Variants in BLTP2 observed in about 807,000 individuals in gnomAD.
BLTP2 encodes the protein U937-associated antigen.
chr17:28,639,403 G>A, the BLTP2 span: 9 of 1,613,558 alleles, frequency 5.6e-6, no homozygotes, highest in East Asian at 2.2e-5. Flanking sequence ...TCCTGGTGCC[G>A]GTAGTGAATG....
chr17:28,620,716 C>T, the BLTP2 span: 1 of 1,458,968 alleles, frequency 6.9e-7, no homozygotes, highest in Admixed American at 1.8e-5. Context: ...TGGAACCACC[C>T]CACTAGTCAA....
chr17:28,629,963 G>C, the BLTP2 span, among the ~76,000 whole-genome samples: 1 of 152,164 alleles, frequency 6.6e-6, no homozygotes, highest in African/African-American at 2.4e-5. Context: ...TTGGGCTCAA[G>C]CCATCCTCCT....
At chr17:28,619,310 T>G in the BLTP2 span, among the ~76,000 whole-genome samples, 1 of 152,080 alleles carries the variant, frequency 6.6e-6, no homozygotes, top group East Asian at 1.9e-4. Flanking sequence ...TCAGTTCAGA[T>G]GCATAGTATC....
At chr17:28,635,283 T>C in the BLTP2 span, 13 of 1,614,056 alleles carry the variant, frequency 8.1e-6, no homozygotes, top group African/African-American at 1.6e-4. Context: ...CTGGACAGTA[T>C]GCCTGCAGGG....
At chr17:28,643,127 A>C in the BLTP2 span, 2 of 1,612,794 alleles carry the variant, frequency 1.2e-6, no homozygotes, top group Non-Finnish European at 1.7e-6. Context: ...CAACCATGCC[A>C]AAGTACAGTC....
chr17:28,639,946 C>T, the BLTP2 span: 11 of 1,613,932 alleles, frequency 6.8e-6, no homozygotes, highest in African/African-American at 6.7e-5. Flanking sequence ...TCAGAGTTTG[C>T]TGTGAAGCTT....
the BLTP2 span, chr17:28,640,137 G>C: frequency 2.5e-6 from 3 of 1,213,360 alleles, no homozygotes; most frequent in Admixed American, 4.4e-5. Context: ...GCTCACTCTT[G>C]TAATCCCAGC....
At chr17:28,635,484 T>C in the BLTP2 span, 2 of 1,614,174 alleles carry the variant, frequency 1.2e-6, no homozygotes, top group South Asian at 1.1e-5. Flanking sequence ...CAAGGGATGG[T>C]ACAGTCTCAG....
At chr17:28,623,033 C>T in the BLTP2 span, among the ~76,000 whole-genome samples, 2 of 152,290 alleles carry the variant, frequency 1.3e-5, no homozygotes, top group South Asian at 2.1e-4. Flanking sequence ...TGAGTTCGCG[C>T]CATTGCACTC....
At chr17:28,616,477 C>G in the BLTP2 span, 2 of 1,614,190 alleles carry the variant, frequency 1.2e-6, no homozygotes, top group South Asian at 2.2e-5. The surrounding 1 kb of genome is among the most constrained non-coding windows in gnomAD (Gnocchi z 4.8). Flanking sequence ...TCATCTGTTG[C>G]AATCAGCTGC....
chr17:28,629,269 C>G, the BLTP2 span, among the ~76,000 whole-genome samples: 2 of 150,832 alleles, frequency 1.3e-5, no homozygotes, highest in Non-Finnish European at 2.9e-5. Flanking sequence ...GAATCTGGTT[C>G]TGTCTCCCAG....
the BLTP2 span, among the ~76,000 whole-genome samples, chr17:28,626,080 T>C: frequency 6.6e-6 from 1 of 152,140 alleles, no homozygotes; most frequent in Non-Finnish European, 1.5e-5. Flanking sequence ...TCAATGCTTC[T>C]TACTGAGACA....
chr17:28,618,611 T>G, the BLTP2 span: 1 of 519,978 alleles, frequency 1.9e-6, no homozygotes, highest in African/African-American at 1.9e-5. Flanking sequence ...TATAAACAGA[T>G]ATATCTAAGG....
At chr17:28,635,622 G>A in the BLTP2 span, 7,855 of 1,596,216 alleles carry the variant, frequency 4.9e-3, 360 homozygotes, top group Admixed American at 0.092. Context: ...TTAGGGAGCA[G>A]AAGAAAAGGA....
chr17:28,616,661 A>T, the BLTP2 span: 1 of 1,614,180 alleles, frequency 6.2e-7, no homozygotes, highest in Non-Finnish European at 8.5e-7. This position sits in a 1 kb window ranked among gnomAD's most constrained non-coding sequence, Gnocchi z 4.8. Context: ...CACCAACTTC[A>T]TCATCTTCCA....
the BLTP2 span, chr17:28,639,861 C>T: frequency 1.2e-6 from 2 of 1,611,380 alleles, no homozygotes; most frequent in Non-Finnish European, 1.7e-6. Flanking sequence ...GTATCTAGTC[C>T]TCCCATTCTC....
the BLTP2 span, among the ~76,000 whole-genome samples, chr17:28,625,775 C>G: frequency 3.3e-5 from 5 of 151,854 alleles, no homozygotes; most frequent in Non-Finnish European, 7.4e-5. Context: ...GCTTTTTTTT[C>G]TTCCCTTGAG....
chr17:28,631,963 G>C, the BLTP2 span: 7 of 1,609,304 alleles, frequency 4.3e-6, no homozygotes, highest in East Asian at 1.1e-4. Flanking sequence ...TGGCATGAGA[G>C]GGATGATTAA....
At chr17:28,621,498 CCTGAAGAA>C in the BLTP2 span, 1 of 1,611,858 alleles carries the variant, frequency 6.2e-7, no homozygotes, top group Non-Finnish European at 8.5e-7. Flanking sequence ...ATATTCTTCA[CCTGAAGAA>C]AGAGATGCAG....
Sources: gnomAD v4.1 joint callset for allele counts (sites outside exome capture counted in the v4.1 genomes callset) on GRCh38, gnomAD v4.1.1 for gene constraint, Gnocchi (gnomAD v3.1) non-coding constraint, MANE v1.5 for transcripts, NCBI Gene and HGNC (gene_info 2026-07-23, HGNC 2026-07-21) for gene names.